The following SERINC5 variants were observed in gnomAD, a reference collection of about 807,000 sequenced individuals.
The protein encoded by SERINC5 is serine incorporator 5.
In SERINC5, 41 loss-of-function variants were observed where a neutral mutation model predicts 63.1. The ratio of observed to expected loss-of-function variants is 0.65; its 90% CI spans 0.51 to 0.84. The LOEUF (loss-of-function observed/expected upper bound fraction) is 0.84, where lower values mean the gene tolerates loss of function less well. Ranked by LOEUF, SERINC5 falls within the 40% of genes least tolerant of loss-of-function variation. The pLI, the probability that SERINC5 is intolerant of heterozygous loss-of-function variation, is 0.00. For missense variants in SERINC5, 523 were observed against 573.0 expected (o/e 0.91, Z 0.89); for synonymous variants, 222 against 215.2 (o/e 1.03, Z -0.28).
At position 80,142,863 on chromosome 5, in the gene SERINC5, T is replaced by C; in HGVS notation, c.*800A>G. ...TGCTTAGGCAGAGAAAACATGAATC[T>C]TGTTCTATAATCATGTGAATAACAC... is the stretch of plus-strand genomic sequence containing the variant. On this transcript the variant is annotated 3_prime_UTR_variant, in exon 12 of 12. Coordinates refer to ENST00000507668, the MANE Select transcript of SERINC5 (RefSeq NM_001174072.3). The C allele has an allele frequency of 1.0e-6, 1 of 985,428 alleles. No individual in the cohort carries two copies. Among genetic ancestry groups the C allele is most frequent in the Non-Finnish European group, 1.2e-6 (1 of 829,930 alleles). The allele number at this position is 985,428 out of a possible 1,614,324, so 61.0% of individuals were successfully genotyped here.
intron 6 of SERINC5, among the ~76,000 whole-genome samples, chr5:80,168,497 G>A (rs911590517): frequency 6.6e-6 from 1 of 152,060 alleles, no homozygotes. Context: ...AACTGCGCCC[G>A]ACCACTAGTT....
At chr5:80,124,282 C>T (rs766834359) in intron 11 of SERINC5, among the ~76,000 whole-genome samples, 23 of 152,164 alleles carry the variant, frequency 1.5e-4, no homozygotes, top group Non-Finnish European at 2.8e-4. Context: ...CATAGCATGC[C>T]GCACTTCTAG....
At chr5:80,150,823 C>A in intron 9 of SERINC5, 59 bp downstream of exon 9, 1 of 1,152,682 alleles carries the variant, frequency 8.7e-7, no homozygotes, top group Non-Finnish European at 1.3e-6. Context: ...ACACAAAAGG[C>A]CCTCCTGAGA....
intron 1 of SERINC5, among the ~76,000 whole-genome samples, chr5:80,230,459 A>AAAGAAAAG (rs1554071008): frequency 7.8e-6 from 1 of 128,630 alleles, no homozygotes. Context: ...AAAAAAAAAA[A>AAAGAAAAG]AAAGAAACCA....
At chr5:80,125,156 T>C (rs1013147904) in intron 11 of SERINC5, among the ~76,000 whole-genome samples, 16 of 152,334 alleles carry the variant, frequency 1.1e-4, no homozygotes, top group Admixed American at 1.3e-4. Flanking sequence ...TAGCAAACAA[T>C]TGTACATCAC....
At chr5:80,236,901 GT>G (rs1446634680) in intron 1 of SERINC5, among the ~76,000 whole-genome samples, 4 of 151,574 alleles carry the variant, frequency 2.6e-5, no homozygotes, top group Non-Finnish European at 5.9e-5. Flanking sequence ...CCAGGCTGGA[GT>G]GCAATGGTGC....
At chr5:80,160,947 T>C (rs1746845409) in intron 7 of SERINC5, among the ~76,000 whole-genome samples, 1 of 133,162 alleles carries the variant, frequency 7.5e-6, no homozygotes, top group Admixed American at 7.7e-5. Flanking sequence ...TATATATGTG[T>C]ATATATATAT....
intron 11 of SERINC5, among the ~76,000 whole-genome samples, chr5:80,116,915 G>A (rs538254170): frequency 2.0e-5 from 3 of 151,516 alleles, no homozygotes; most frequent in Non-Finnish European, 4.4e-5. Context: ...TGCAACCTCT[G>A]ACTCCCAGGT....
intron 5 of SERINC5, among the ~76,000 whole-genome samples, chr5:80,173,148 GAGGAA>G (rs1043281761): frequency 6.7e-6 from 1 of 148,730 alleles, no homozygotes; most frequent in African/African-American, 2.5e-5. Flanking sequence ...AAGAAAGAAA[GAGGAA>G]AGGAAAGAAA....
chr5:80,226,618 T>C (rs1440772176), intron 1 of SERINC5, among the ~76,000 whole-genome samples: 1 of 152,200 alleles, frequency 6.6e-6, no homozygotes, highest in African/African-American at 2.4e-5. Flanking sequence ...CCTTGAGATG[T>C]GCCATTCCCA....
chr5:80,159,639 A>AGAG (rs1746761749), intron 7 of SERINC5, among the ~76,000 whole-genome samples: 1 of 152,358 alleles, frequency 6.6e-6, no homozygotes, highest in African/African-American at 2.4e-5. Flanking sequence ...AGGTAGGATT[A>AGAG]GAGGGCTGGG....
At chr5:80,191,413 A>C in intron 2 of SERINC5, among the ~76,000 whole-genome samples, 1 of 146,392 alleles carries the variant, frequency 6.8e-6, no homozygotes, top group Non-Finnish European at 1.5e-5. Flanking sequence ...CTGAGGCAGG[A>C]GGATCGTTGC....
chr5:80,169,692 T>C lies in SERINC5; in HGVS notation c.552-146A>G, dbSNP rs116293927. On this transcript the variant is annotated intron_variant, in intron 5 of 11. Transcript: ENST00000507668. ...GGTACCCAGCTGCTCAGAAGACACA[T>C]TATTTTAGCAGTGATTATGCTCATC... is the stretch of plus-strand genomic sequence containing the variant. 3.0e-3 allele frequency: 1,913 copies of C among 629,512 alleles called. 26 individuals are homozygous for C. The African/African-American group carries it at 0.03, about 10-fold the overall frequency. The allele number at this position is 629,512 out of a possible 1,614,324, so 39.0% of individuals were successfully genotyped here. A position where few individuals can be genotyped will look rare whatever the true frequency, so the allele number is the denominator to read the frequency against.
At chr5:80,201,300 T>C (rs1749822025) in intron 2 of SERINC5, among the ~76,000 whole-genome samples, 1 of 152,118 alleles carries the variant, frequency 6.6e-6, no homozygotes, top group African/African-American at 2.4e-5. Context: ...AGTGGTCGGT[T>C]TGTAAGGGGA....
intron 1 of SERINC5, among the ~76,000 whole-genome samples, chr5:80,246,367 A>T (rs1056147738): frequency 6.6e-6 from 1 of 152,226 alleles, no homozygotes; most frequent in African/African-American, 2.4e-5. Context: ...TAGCTAGTTT[A>T]TAAAAAAATG....
intron 1 of SERINC5, 45 bp downstream of exon 1, chr5:80,255,851 G>A (rs372848502): frequency 1.9e-6 from 3 of 1,583,432 alleles, no homozygotes; most frequent in African/African-American, 2.8e-5. Context: ...TCCTGGCCCG[G>A]TTCTCCGATC....
chr5:80,116,377 G>C (rs1744322352), intron 11 of SERINC5: 1 of 455,694 alleles, frequency 2.2e-6, no homozygotes. Context: ...CCTCTTCCTG[G>C]ACAGAGAATG....
At chr5:80,215,675 T>C (rs534362345) in intron 1 of SERINC5, among the ~76,000 whole-genome samples, 1 of 152,188 alleles carries the variant, frequency 6.6e-6, no homozygotes, top group South Asian at 2.1e-4. Flanking sequence ...GAGAGATGAG[T>C]TTCTGGCAAG....
rs145319797 is a variant in SERINC5, at chr5:80,147,968, G to A, written c.1054-684C>T. Among the ~76,000 whole-genome samples, 1,074 of 152,210 alleles carry A rather than the reference G, an allele frequency of 7.1e-3. 14 individuals are homozygous for A. Among genetic ancestry groups the A allele is most frequent in the African/African-American group, 0.024 (993 of 41,526 alleles). ...GCTTAGTGACAGAGCTGGAACAGAC[G>A]AATGCAGGATGGGGACACCAAGATC... is the stretch of plus-strand genomic sequence containing the variant. On this transcript the variant is annotated intron_variant, in intron 9 of 11. Transcript: ENST00000507668.
Sources: gnomAD v4.1 joint callset for allele counts (sites outside exome capture counted in the v4.1 genomes callset) on GRCh38, gnomAD v4.1.1 for gene constraint, MANE v1.5 for transcripts, NCBI Gene and HGNC (gene_info 2026-07-23, HGNC 2026-07-21) for gene names.